The following DLC1 variants were observed in gnomAD, a reference collection of about 807,000 sequenced individuals.
DLC1 encodes the protein DLC1 Rho GTPase activating protein.
In DLC1, 54 loss-of-function variants were observed where a neutral mutation model predicts 140.3. The ratio of observed to expected loss-of-function variants is 0.38; its 90% CI spans 0.31 to 0.48. The LOEUF (loss-of-function observed/expected upper bound fraction) is 0.48. Ranked by LOEUF, DLC1 falls within the 20% of genes least tolerant of loss-of-function variation. The pLI is 0.96. For missense variants in DLC1, 2,536 were observed against 1,907.0 expected, an observed-to-expected ratio of 1.33 and a Z score of -6.14; for synonymous variants, 986 against 728.1, an observed-to-expected ratio of 1.35 and a Z score of -5.70.
chr8:13,443,343 TAAAAAAA>T (rs58765529), intron 2 of DLC1, among the ~76,000 whole-genome samples: 3 of 123,240 alleles, frequency 2.4e-5, no homozygotes, highest in Non-Finnish European at 5.0e-5. Context: ...CCCTAAAACT[TAAAAAAA>T]AAAAAAAAAA....
At chr8:13,115,811 T>C (rs1158147506) in intron 5 of DLC1, among the ~76,000 whole-genome samples, 154 bp from the exon 6 acceptor site, 1 of 152,208 alleles carries the variant, frequency 6.6e-6, no homozygotes, top group Non-Finnish European at 1.5e-5. Flanking sequence ...TTCGAATGGT[T>C]TACATTTTGT....
intron 5 of DLC1, among the ~76,000 whole-genome samples, chr8:13,167,203 G>A (rs930953683): frequency 2.0e-5 from 3 of 152,094 alleles, no homozygotes; most frequent in Non-Finnish European, 4.4e-5. Context: ...GGTTACAAAG[G>A]GAGTTAAGGG....
intron 5 of DLC1, among the ~76,000 whole-genome samples, chr8:13,267,116 A>G (rs1188612274): frequency 2.6e-5 from 4 of 152,236 alleles, no homozygotes. Flanking sequence ...AGATGTTTCC[A>G]GTGCAGCCTG....
chr8:13,495,525 A>G (rs1323332470), intron 2 of DLC1, among the ~76,000 whole-genome samples: 5 of 152,128 alleles, frequency 3.3e-5, no homozygotes, highest in African/African-American at 1.2e-4. Flanking sequence ...CAGTGGCTTC[A>G]ATTTCATTAT....
intron 5 of DLC1, among the ~76,000 whole-genome samples, chr8:13,193,931 A>T (rs898480105): frequency 1.3e-5 from 2 of 152,210 alleles, no homozygotes; most frequent in Admixed American, 1.3e-4. Context: ...AAAAATCCAC[A>T]TGCATGCTTG....
intron 5 of DLC1, among the ~76,000 whole-genome samples, chr8:13,159,511 G>C (rs1383039900): frequency 6.6e-6 from 1 of 152,144 alleles, no homozygotes; most frequent in Non-Finnish European, 1.5e-5. Context: ...CCTTGCTGAA[G>C]GCACCATCTC....
At chr8:13,140,412 T>C (rs1372157176) in intron 5 of DLC1, among the ~76,000 whole-genome samples, 1 of 151,930 alleles carries the variant, frequency 6.6e-6, no homozygotes, top group Non-Finnish European at 1.5e-5. Context: ...TTTGTATTAT[T>C]TGTAGAGATG....
intron 2 of DLC1, among the ~76,000 whole-genome samples, chr8:13,495,852 C>T (rs1448539058): frequency 6.6e-6 from 1 of 152,156 alleles, no homozygotes; most frequent in Non-Finnish European, 1.5e-5. Context: ...GAAGATCCCC[C>T]TTATAAGCTC....
At chr8:13,324,771 C>G (rs970177545) in intron 4 of DLC1, among the ~76,000 whole-genome samples, 1 of 152,084 alleles carries the variant, frequency 6.6e-6, no homozygotes, top group Admixed American at 6.6e-5. Flanking sequence ...GTTGCAGAGT[C>G]TTTACTAAAC....
At chr8:13,215,466 G>C (rs1828151373) in intron 5 of DLC1, among the ~76,000 whole-genome samples, 1 of 152,028 alleles carries the variant, frequency 6.6e-6, no homozygotes, top group Non-Finnish European at 1.5e-5. Context: ...CACGTCTATA[G>C]TCACAGCTAC....
At chr8:13,192,035 GGGTTCCAGA>G (rs999230648) in intron 5 of DLC1, among the ~76,000 whole-genome samples, 29 of 150,398 alleles carry the variant, frequency 1.9e-4, no homozygotes, top group African/African-American at 7.1e-4. Context: ...TCTGCCTCCC[GGGTTCCAGA>G]GGTTCTCCTG....
chr8:13,195,063 G>T (rs1262682640), intron 5 of DLC1, among the ~76,000 whole-genome samples: 1 of 152,112 alleles, frequency 6.6e-6, no homozygotes, highest in Non-Finnish European at 1.5e-5. Flanking sequence ...TTTAAAAAAT[G>T]CTTCAAATAC....
intron 1 of DLC1, chr8:13,557,997 C>G (rs1804111577): frequency 6.6e-6 from 1 of 152,132 alleles, no homozygotes; most frequent in African/African-American, 2.4e-5. Flanking sequence ...CCAGAAAGTT[C>G]ATTGGCACTA....
intron 1 of DLC1, among the ~76,000 whole-genome samples, chr8:13,538,147 G>C (rs1359821766): frequency 2.0e-5 from 3 of 152,048 alleles, no homozygotes; most frequent in Non-Finnish European, 4.4e-5. Flanking sequence ...AGGTTCTGTG[G>C]AGAAATAGGC....
intron 4 of DLC1, among the ~76,000 whole-genome samples, chr8:13,376,986 A>T (rs1004955084): frequency 3.3e-5 from 5 of 152,226 alleles, no homozygotes; most frequent in Non-Finnish European, 5.9e-5. Flanking sequence ...GAAACCAGTG[A>T]CAAAAAGCAG....
intron 2 of DLC1, among the ~76,000 whole-genome samples, chr8:13,424,253 C>T (rs528000857): frequency 2.6e-5 from 4 of 152,274 alleles, no homozygotes; most frequent in East Asian, 3.9e-4. Flanking sequence ...AATCCCAGCA[C>T]TTTGGGAGGC....
intron 5 of DLC1, among the ~76,000 whole-genome samples, chr8:13,131,798 G>A (rs148491834): frequency 1.4e-4 from 21 of 152,300 alleles, no homozygotes; most frequent in African/African-American, 1.9e-4. Context: ...CACTGCCCAA[G>A]TTCGCCCAGC....
intron 2 of DLC1, among the ~76,000 whole-genome samples, chr8:13,442,457 T>C (rs991271922): frequency 1.3e-5 from 2 of 152,152 alleles, no homozygotes; most frequent in African/African-American, 4.8e-5. Flanking sequence ...TCTACTCATC[T>C]GAAAAAGGGC....
chr8:13,110,741 C>T lies in DLC1; in HGVS notation c.1502+1G>A. On this transcript the variant is annotated splice_donor_variant, in intron 7 of 17. Coordinates refer to ENST00000276297, the MANE Select transcript of DLC1 (RefSeq NM_182643.3). LOFTEE classifies it high-confidence loss of function. ...AAAACACTCAAAACGTGTCCATTTA[C>T]CTGCATAGAGCCTCAATGGCATCTC... is the stretch of plus-strand genomic sequence containing the variant. 2 of 1,613,490 alleles carry T rather than the reference C, an allele frequency of 1.2e-6. No homozygotes were observed. Among genetic ancestry groups the T allele is most frequent in the Non-Finnish European group, 1.7e-6 (2 of 1,179,662 alleles).
Sources: allele counts gnomAD v4.1 joint callset (sites outside exome capture counted in the v4.1 genomes callset), GRCh38; gene constraint gnomAD v4.1.1; transcripts MANE v1.5; gene names NCBI Gene and HGNC (gene_info 2026-07-23, HGNC 2026-07-21).